Variants in HMGA2 observed in about 807,000 individuals in gnomAD.
HMGA2 encodes the protein high mobility group protein HMGI-C.
Under a neutral mutation model 19.1 loss-of-function variants are expected in HMGA2, and 8 were observed. That is an observed-to-expected ratio of 0.42 (90% confidence interval 0.25 to 0.76). The LOEUF (loss-of-function observed/expected upper bound fraction) is 0.76, where lower values mean the gene tolerates loss of function less well. HMGA2 is among the 30% of genes least tolerant of loss of function. The pLI is 0.28. For missense variants in HMGA2, 109 were observed against 136.3 expected (o/e 0.80, Z 1.00); for synonymous variants, 60 against 48.8 (o/e 1.23, Z -0.96).
At chr12:65,902,363 G>T (rs949205434) in intron 3 of HMGA2, among the ~76,000 whole-genome samples, 3 of 152,052 alleles carry the variant, frequency 2.0e-5, no homozygotes, top group African/African-American at 7.2e-5. Context: ...GAAAATCTCT[G>T]TGAGCTCAAT....
chr12:65,843,266 T>C (rs1294567762), intron 3 of HMGA2: 2 of 222,468 alleles, frequency 9.0e-6, no homozygotes, highest in Non-Finnish European at 1.8e-5. Flanking sequence ...TATTTGGTAA[T>C]GGGGTGTGTG....
At chr12:65,897,407 GT>G (rs1874176957) in intron 3 of HMGA2, among the ~76,000 whole-genome samples, 1 of 152,088 alleles carries the variant, frequency 6.6e-6, no homozygotes, top group South Asian at 2.1e-4. Flanking sequence ...TAAGGAAAAA[GT>G]TTCTTATTTT....
chr12:65,868,044 CTCTT>C (rs1218640802), intron 3 of HMGA2, among the ~76,000 whole-genome samples: 1 of 152,186 alleles, frequency 6.6e-6, no homozygotes, highest in Non-Finnish European at 1.5e-5. Flanking sequence ...TCCTTTTGAG[CTCTT>C]TCTTTCTCCA....
chr12:65,842,021 C>A, intron 3 of HMGA2: 2 of 1,140,946 alleles, frequency 1.8e-6, no homozygotes, highest in Non-Finnish European at 2.2e-6. Flanking sequence ...CTAGTTTGAA[C>A]TGGATTTCAG....
At chr12:65,837,657 A>G (rs528388304) in intron 2 of HMGA2, among the ~76,000 whole-genome samples, 1 of 152,164 alleles carries the variant, frequency 6.6e-6, no homozygotes, top group African/African-American at 2.4e-5. Context: ...GTGTATGAAG[A>G]TTGGACTAGG....
chr12:65,867,095 C>T (rs1872462936), intron 3 of HMGA2: 1 of 367,136 alleles, frequency 2.7e-6, no homozygotes, highest in Non-Finnish European at 5.4e-6. Context: ...CATGAGATAA[C>T]TTAGCAGGGA....
chr12:65,834,499 C>T (rs1200287032), intron 2 of HMGA2, among the ~76,000 whole-genome samples: 1 of 151,802 alleles, frequency 6.6e-6, no homozygotes, highest in Non-Finnish European at 1.5e-5. Context: ...CTTTTCCTTC[C>T]TTTCCTCTTG....
At chr12:65,833,694 T>C (rs1870575078) in intron 2 of HMGA2, among the ~76,000 whole-genome samples, 1 of 152,170 alleles carries the variant, frequency 6.6e-6, no homozygotes, top group Admixed American at 6.5e-5. Context: ...GGCAGTTTTA[T>C]TTTATATGGG....
At chr12:65,868,435 G>C (rs914205590) in intron 3 of HMGA2, among the ~76,000 whole-genome samples, 1 of 151,956 alleles carries the variant, frequency 6.6e-6, no homozygotes, top group Non-Finnish European at 1.5e-5. Flanking sequence ...ATATCATCCC[G>C]GATGCAGTCC....
chr12:65,864,593 T>G (rs1296968226), intron 3 of HMGA2, among the ~76,000 whole-genome samples: 1 of 152,170 alleles, frequency 6.6e-6, no homozygotes, highest in Non-Finnish European at 1.5e-5. Context: ...CAGGGAAATA[T>G]TTAACATACT....
At chr12:65,869,393 G>A (rs891691278) in intron 3 of HMGA2, among the ~76,000 whole-genome samples, 2 of 152,192 alleles carry the variant, frequency 1.3e-5, no homozygotes, top group African/African-American at 4.8e-5. Flanking sequence ...CATCTGGGTG[G>A]TTGATGGAGC....
Position 65,964,769 on chromosome 12 carries a change from C to T in HMGA2, c.*1477C>T, listed in dbSNP as rs1488000951. Reference sequence around the variant, plus strand: ...TTAAAAATTTTTAAAATACTTGTTTCAGCTTCTCTGCTAGATTTCTACATT... The same window carrying T: ...TTAAAAATTTTTAAAATACTTGTTTTAGCTTCTCTGCTAGATTTCTACATT... On this transcript the variant is annotated 3_prime_UTR_variant, in exon 5 of 5. Transcript: ENST00000403681. 5.1e-6 allele frequency: 1 copy of T among 195,874 alleles called. No homozygotes were observed. Among genetic ancestry groups the T allele is most frequent in the African/African-American group, 2.3e-5 (1 of 43,220 alleles). The allele number at this position is 195,874 out of a possible 1,614,324, so 12.1% of individuals were successfully genotyped here.
At chr12:65,887,262 G>A (rs1873696861) in intron 3 of HMGA2, among the ~76,000 whole-genome samples, 1 of 152,154 alleles carries the variant, frequency 6.6e-6, no homozygotes, top group African/African-American at 2.4e-5. Context: ...GCATTCCAAT[G>A]AGTCACCATA....
At chr12:65,920,727 C>A (rs1565732933) in intron 3 of HMGA2, among the ~76,000 whole-genome samples, 1 of 152,198 alleles carries the variant, frequency 6.6e-6, no homozygotes, top group African/African-American at 2.4e-5. Flanking sequence ...GATTCTGGGG[C>A]CTCCCAAGCC....
chr12:65,921,832 C>A lies in HMGA2; in HGVS notation c.250-29551C>A, dbSNP rs1174048283. Among the ~76,000 whole-genome samples the A allele has an allele frequency of 3.9e-5, 6 of 152,314 alleles. No individual in the cohort carries two copies. The South Asian group carries it at 1.2e-3, about 32-fold the overall frequency. On this transcript the variant is annotated intron_variant, in intron 3 of 4. Coordinates refer to ENST00000403681, the MANE Select transcript of HMGA2 (RefSeq NM_003483.6). ...CCCAGGGTCCCCATGCTGTGTGCAG[C>A]CTACGGACTTGGTGCCCTGTGTCCC... is the stretch of plus-strand genomic sequence containing the variant.
chr12:65,893,097 A>G (rs1306850391), intron 3 of HMGA2, among the ~76,000 whole-genome samples: 4 of 152,168 alleles, frequency 2.6e-5, no homozygotes, highest in Non-Finnish European at 5.9e-5. Flanking sequence ...GGCTCCTATT[A>G]TAGTCATGCC....
intron 3 of HMGA2, among the ~76,000 whole-genome samples, chr12:65,931,818 C>A (rs904587100): frequency 6.6e-6 from 1 of 152,010 alleles, no homozygotes; most frequent in African/African-American, 2.4e-5. Context: ...GAGGCTGAGA[C>A]AAGAGGATCA....
intron 3 of HMGA2, among the ~76,000 whole-genome samples, chr12:65,848,269 C>T (rs1871308701): frequency 2.0e-5 from 3 of 152,176 alleles, no homozygotes; most frequent in Non-Finnish European, 2.9e-5. Flanking sequence ...AACTAATTTT[C>T]TAAGGTAGTT....
In HMGA2 at chr12:65,827,666, G is replaced by C. The variant is rs138967796; in HGVS notation, c.112-335G>C. On this transcript the variant is annotated intron_variant, in intron 1 of 4. Coordinates refer to ENST00000403681, the MANE Select transcript of HMGA2 (RefSeq NM_003483.6). ...TTTAAAATGCCTATTATTCCTATGAGTTGCCAAATGCATAGCCCTGTAAAC... is the reference window on the plus strand; with the variant it reads ...TTTAAAATGCCTATTATTCCTATGACTTGCCAAATGCATAGCCCTGTAAAC... Among the ~76,000 whole-genome samples the C allele has an allele frequency of 1.4e-3, 218 of 152,294 alleles. 1 individual carries two copies. The highest frequency in any genetic ancestry group is 5.1e-3 in the African/African-American group (214 of 41,560).
Sources: allele counts gnomAD v4.1 joint callset (sites outside exome capture counted in the v4.1 genomes callset), GRCh38; gene constraint gnomAD v4.1.1; transcripts MANE v1.5; gene names NCBI Gene and HGNC (gene_info 2026-07-23, HGNC 2026-07-21).